CSMD1: variants seen among roughly 807,000 people sequenced by gnomAD.
The protein encoded by CSMD1 is CUB and Sushi multiple domains 1.
In CSMD1, 213 loss-of-function variants were observed where a neutral mutation model predicts 417.5. That is an observed-to-expected ratio of 0.51 (90% CI 0.46 to 0.57). CSMD1 has a LOEUF of 0.57. Ranked by LOEUF, CSMD1 falls within the 20% of genes least tolerant of loss-of-function variation. CSMD1 has a pLI of 0.00. For missense variants in CSMD1, 6,923 were observed against 4,529.7 expected (o/e 1.53, Z -15.17); for synonymous variants, 2,862 against 1,736.8 (o/e 1.65, Z -16.11).
At chr8:3,913,610 A>T (rs1263627490) in intron 5 of CSMD1, among the ~76,000 whole-genome samples, 1 of 152,164 alleles carries the variant, frequency 6.6e-6, no homozygotes, top group Non-Finnish European at 1.5e-5. Context: ...ATCTGGCAAG[A>T]ATGTACTTAG....
chr8:3,063,068 A>G (rs565936115), intron 49 of CSMD1, among the ~76,000 whole-genome samples: 2 of 152,312 alleles, frequency 1.3e-5, no homozygotes, highest in East Asian at 1.9e-4. Flanking sequence ...ATGGAACCCA[A>G]GAGTCCCAGG....
intron 3 of CSMD1, among the ~76,000 whole-genome samples, chr8:4,365,701 G>C (rs1253511309): frequency 6.6e-6 from 1 of 152,170 alleles, no homozygotes; most frequent in Non-Finnish European, 1.5e-5. Flanking sequence ...GATCCAGCCT[G>C]AGACTTTCTG....
intron 7 of CSMD1, among the ~76,000 whole-genome samples, chr8:3,642,090 C>T (rs1004039038): frequency 1.3e-5 from 2 of 152,110 alleles, no homozygotes; most frequent in East Asian, 3.9e-4. Context: ...AAGGATACAG[C>T]AGATACAGCC....
intron 2 of CSMD1, among the ~76,000 whole-genome samples, chr8:4,444,240 G>C (rs988564056): frequency 6.6e-6 from 1 of 150,998 alleles, no homozygotes; most frequent in East Asian, 2.0e-4. Context: ...TACTCGGGAG[G>C]CTGAGGCAGG....
At chr8:4,008,043 T>C (rs1032439460) in intron 4 of CSMD1, among the ~76,000 whole-genome samples, 2 of 152,224 alleles carry the variant, frequency 1.3e-5, no homozygotes, top group African/African-American at 4.8e-5. Flanking sequence ...TTTGCTTGTT[T>C]TCAGCAAGCA....
intron 2 of CSMD1, among the ~76,000 whole-genome samples, chr8:4,465,136 G>A (rs867267995): frequency 1.3e-5 from 2 of 152,164 alleles, no homozygotes; most frequent in Admixed American, 1.3e-4. Context: ...CTAAGGCTCA[G>A]AATATTACCC....
intron 5 of CSMD1, among the ~76,000 whole-genome samples, chr8:3,814,796 C>G (rs1434328457): frequency 6.6e-6 from 1 of 152,142 alleles, no homozygotes; most frequent in Admixed American, 6.5e-5. Flanking sequence ...ATTTATTCGT[C>G]ACGGTGTGAT....
intron 1 of CSMD1, among the ~76,000 whole-genome samples, chr8:4,942,358 C>T (rs145394628): frequency 6.6e-6 from 1 of 152,092 alleles, no homozygotes; most frequent in East Asian, 1.9e-4. Flanking sequence ...TCTCGGTACC[C>T]TTGTAGTTTG....
At chr8:3,146,313 C>G (rs147306897) in intron 40 of CSMD1, among the ~76,000 whole-genome samples, 5 of 152,024 alleles carry the variant, frequency 3.3e-5, no homozygotes, top group African/African-American at 1.2e-4. Context: ...CATCACAAAA[C>G]AACAAGCCAA....
At chr8:4,698,958 C>A (rs78809247) in intron 1 of CSMD1, among the ~76,000 whole-genome samples, 3 of 151,372 alleles carry the variant, frequency 2.0e-5, no homozygotes, top group South Asian at 4.2e-4. Context: ...CACCGTCGAA[C>A]GAACACGTCA....
chr8:4,400,751 A>G (rs1234683323), intron 3 of CSMD1, among the ~76,000 whole-genome samples: 4 of 145,384 alleles, frequency 2.8e-5, no homozygotes, highest in African/African-American at 7.6e-5. Flanking sequence ...AATAGAGTGC[A>G]TACAGATCAG....
chr8:3,956,758 A>C (rs981867287), intron 5 of CSMD1, among the ~76,000 whole-genome samples: 1 of 152,088 alleles, frequency 6.6e-6, no homozygotes, highest in Non-Finnish European at 1.5e-5. Context: ...CCCAACTCCA[A>C]AGCTTAGTTT....
chr8:3,897,709 T>C (rs1584930323), intron 5 of CSMD1, among the ~76,000 whole-genome samples: 1 of 152,302 alleles, frequency 6.6e-6, no homozygotes, highest in East Asian at 1.9e-4. Context: ...CATAATCCCG[T>C]GAGGAAGCCC....
chr8:3,877,340 G>C (rs1263124118), intron 5 of CSMD1, among the ~76,000 whole-genome samples: 3 of 152,164 alleles, frequency 2.0e-5, no homozygotes, highest in Non-Finnish European at 4.4e-5. Flanking sequence ...GTCCATGATG[G>C]GGGAGGCATG....
chr8:3,183,471 G>C (rs1225423947), intron 36 of CSMD1, among the ~76,000 whole-genome samples: 1 of 82,850 alleles, frequency 1.2e-5, no homozygotes, highest in East Asian at 3.6e-4. Context: ...GAAATATCGA[G>C]TAGGTCTCTA....
At chr8:3,692,680 G>C (rs1800317514) in intron 7 of CSMD1, among the ~76,000 whole-genome samples, 1 of 152,072 alleles carries the variant, frequency 6.6e-6, no homozygotes, top group Non-Finnish European at 1.5e-5. Context: ...TGATCTGCCT[G>C]CCTCGGCCTC....
intron 1 of CSMD1, among the ~76,000 whole-genome samples, chr8:4,964,931 G>A (rs1299438953): frequency 6.6e-6 from 1 of 152,150 alleles, no homozygotes; most frequent in Non-Finnish European, 1.5e-5. Flanking sequence ...AGCCCTTGGT[G>A]AATTAACCTT....
chr8:3,798,939 T>A (rs75081373), intron 5 of CSMD1, among the ~76,000 whole-genome samples: 1 of 152,044 alleles, frequency 6.6e-6, no homozygotes, highest in Admixed American at 6.6e-5. Context: ...ATATCATATA[T>A]ATAAAAACTC....
intron 5 of CSMD1, among the ~76,000 whole-genome samples, chr8:3,964,732 G>A (rs1202505527): frequency 6.6e-6 from 1 of 152,118 alleles, no homozygotes; most frequent in Non-Finnish European, 1.5e-5. Context: ...CAATGTACTT[G>A]CGTGACACAT....
Sources: allele counts gnomAD v4.1 joint callset (sites outside exome capture counted in the v4.1 genomes callset), GRCh38; gene constraint gnomAD v4.1.1; transcripts MANE v1.5; gene names NCBI Gene and HGNC (gene_info 2026-07-23, HGNC 2026-07-21).